The following MOCOS variants were observed in gnomAD, a reference collection of about 807,000 sequenced individuals.
MOCOS encodes the protein molybdenum cofactor sulfurase.
MOCOS carries 86 observed loss-of-function variants against 83.6 expected under a neutral mutation model. The observed-to-expected ratio is 1.03, with a 90% CI of 0.86 to 1.23. The LOEUF (loss-of-function observed/expected upper bound fraction) is 1.23. MOCOS is among the 50% of genes most tolerant of loss of function. The probability of loss-of-function intolerance (pLI) is 0.00; values close to 1 mark genes in which losing one functional copy is unlikely to be tolerated. For synonymous variants in MOCOS, 445 were observed against 434.7 expected (o/e 1.02, Z -0.29); for missense variants, 1,120 against 1,126.9 (o/e 0.99, Z 0.09).
At chr18:36,241,082 A>G (rs1188170930) in intron 9 of MOCOS, among the ~76,000 whole-genome samples, 1 of 152,074 alleles carries the variant, frequency 6.6e-6, no homozygotes, top group Non-Finnish European at 1.5e-5. Flanking sequence ...AAATGCAGAA[A>G]TCACCCGTCT....
At chr18:36,216,855 T>C (rs1343480987) in intron 8 of MOCOS, among the ~76,000 whole-genome samples, 1 of 152,194 alleles carries the variant, frequency 6.6e-6, no homozygotes, top group Non-Finnish European at 1.5e-5. Flanking sequence ...TCACCAACAT[T>C]GGGACAAATG....
At chr18:36,204,908 A>G (rs1441716691) in intron 5 of MOCOS, among the ~76,000 whole-genome samples, 169 bp from the exon 6 acceptor site, 1 of 148,078 alleles carries the variant, frequency 6.8e-6, no homozygotes. Flanking sequence ...TGAGAGGATC[A>G]CCTGAGCCCA....
In MOCOS at chr18:36,195,343, T is replaced by C; in HGVS notation, c.229T>C (p.Tyr77His). The change falls in exon 2 of 15, where the codon TAT becomes CAT. Residue 77 changes from tyrosine (Y) to histidine (H), a missense_variant. Coordinates refer to ENST00000261326, the MANE Select transcript of MOCOS (RefSeq NM_017947.4). ...SFTSDLMENT[Y>H]GNPHSQNISS... The stretch of plus-strand genomic sequence containing the variant: ...CACTAGTGATCTCATGGAAAACACT[T>C]ATGGTAAAGAAAAACACCTGAAACA... 1 of 1,613,488 alleles carries C rather than the reference T, an allele frequency of 6.2e-7. No homozygotes were observed. Among genetic ancestry groups the C allele is most frequent in the South Asian group, 1.1e-5 (1 of 91,068 alleles).
At chr18:36,208,355 A>G (rs1165515402) in intron 6 of MOCOS, among the ~76,000 whole-genome samples, 2 of 152,134 alleles carry the variant, frequency 1.3e-5, no homozygotes, top group African/African-American at 4.8e-5. Context: ...GTAGTTTGAT[A>G]GGAATAACAT....
intron 14 of MOCOS, among the ~76,000 whole-genome samples, chr18:36,267,705 G>A (rs2091686267): frequency 6.6e-6 from 1 of 152,182 alleles, no homozygotes; most frequent in South Asian, 2.1e-4. Flanking sequence ...CCTTGAGCCT[G>A]CACCATGCAG....
Position 36,270,711 on chromosome 18 carries a change from CA to C in MOCOS, c.*2045del, listed in dbSNP as rs528119467. On this transcript the variant is annotated 3_prime_UTR_variant, in exon 15 of 15. Transcript: ENST00000261326. Reference sequence around the variant, plus strand: ...CTGGTGACAGAGCAAGACTCCATCTCAAAAAAAAAAAAAAAAAAATTAGGTC... The same window carrying C: ...CTGGTGACAGAGCAAGACTCCATCTCAAAAAAAAAAAAAAAAAATTAGGTC... 0.061 allele frequency: 7,026 copies of C among 114,748 alleles called. 478 individuals carry two copies. Among genetic ancestry groups the C allele is most frequent in the African/African-American group, 0.19 (6,059 of 32,610 alleles). 7.1% of individuals were successfully genotyped at this position (114,748 alleles called of 1,614,324 possible). A position where few individuals can be genotyped will look rare whatever the true frequency, so the allele number is the denominator to read the frequency against.
rs2091405889 is a variant in MOCOS at position 36,200,021 on chromosome 18, T to G, written c.638T>G (p.Leu213Arg). The G allele has an allele frequency of 6.2e-7, 1 of 1,614,242 alleles. No homozygotes were observed. Among genetic ancestry groups the G allele is most frequent in the East Asian group, 2.2e-5 (1 of 44,890 alleles). The change falls in exon 4 of 15, where the codon CTG becomes CGG. Residue 213 changes from leucine (L) to arginine (R), a missense_variant. Leu to Arg is a moderately radical substitution (Grantham distance 102). Transcript: ENST00000261326. ...QSNFSGVRYP[L>R]SWIEEVKSGR... ...AACTTTTCTGGAGTCAGATACCCCC[T>G]GTCCTGGATAGAAGAGGTCAAGTCT...
At chr18:36,197,789 T>G (rs1394016612) in intron 2 of MOCOS, among the ~76,000 whole-genome samples, 1 of 152,006 alleles carries the variant, frequency 6.6e-6, no homozygotes, top group African/African-American at 2.4e-5. Flanking sequence ...AAAAATCTAT[T>G]TCAGGTGTCC....
chr18:36,208,207 AT>A (rs1309090316), intron 6 of MOCOS, among the ~76,000 whole-genome samples: 2 of 152,150 alleles, frequency 1.3e-5, no homozygotes, highest in Non-Finnish European at 2.9e-5. Flanking sequence ...GCCTTGTAGT[AT>A]AGTTTGATGT....
intron 9 of MOCOS, among the ~76,000 whole-genome samples, chr18:36,243,908 G>A (rs937833120): frequency 6.6e-6 from 1 of 152,032 alleles, no homozygotes; most frequent in African/African-American, 2.4e-5. Flanking sequence ...GTGCATAAAG[G>A]TGTTCATAGT....
In MOCOS at chr18:36,269,257, C is replaced by A. The variant is rs2091691747; in HGVS notation, c.*572C>A. The A allele has an allele frequency of 6.4e-6, 1 of 156,240 alleles. No individual in the cohort carries two copies. The highest frequency in any genetic ancestry group is 1.4e-5 in the Non-Finnish European group (1 of 70,776). 9.7% of individuals were successfully genotyped at this position (156,240 alleles called of 1,614,324 possible). The stretch of plus-strand genomic sequence containing the variant: ...TTATATTCTGAGCAAAGGCACAGGC[C>A]AGCAATTCCTTTCCTGTTGCTTCCC... On this transcript the variant is annotated 3_prime_UTR_variant, in exon 15 of 15. Coordinates refer to ENST00000261326, the MANE Select transcript of MOCOS (RefSeq NM_017947.4).
rs1227501833 is a variant in MOCOS at position 36,199,954 on chromosome 18, G to C, written c.571G>C (p.Asp191His). 2 of 1,614,120 alleles carry C rather than the reference G, an allele frequency of 1.2e-6. No homozygotes were observed. Among genetic ancestry groups the C allele is most frequent in the African/African-American group, 2.7e-5 (2 of 74,950 alleles). Residue 191 changes from aspartate (D) to histidine (H), a missense_variant, in exon 4 of 15, where the codon GAC becomes CAC. By Grantham distance (81) the Asp-to-His change is moderately conservative (BLOSUM62 -1). Transcript: ENST00000261326. ...EERSASASNP[D>H]CQLPHLFCYP... ...ACGTAGTGCTTCAGCCAGCAACCCA[G>C]ACTGCCAGCTGCCGCATCTCTTCTG...
chr18:36,214,469 C>A (rs544965053), intron 7 of MOCOS, among the ~76,000 whole-genome samples: 1 of 152,092 alleles, frequency 6.6e-6, no homozygotes, highest in African/African-American at 2.4e-5. Context: ...CGGTGTGGAA[C>A]TCTTCTAGGG....
intron 8 of MOCOS, 45 bp downstream of exon 8, chr18:36,216,022 T>C (rs746803849): frequency 6.5e-7 from 1 of 1,541,092 alleles, no homozygotes; most frequent in South Asian, 1.1e-5. Flanking sequence ...CTTTGTTTAC[T>C]CTCTCTATTT....
chr18:36,251,192 A>G lies in MOCOS; in HGVS notation c.2073A>G (p.Ser691=). 6.2e-7 allele frequency: 1 copy of G among 1,613,764 alleles called. No homozygotes were observed. ...VSTYDCGEKI[S]SWLSTFFGRP... is the part of the protein sequence containing the mutation. ...CTTATGATTGTGGAGAAAAAATTTC[A>G]AGCTGGTTGTCAACATTTTTTGGCC... Residue 691 remains serine, a synonymous_variant, in exon 11 of 15, where the codon TCA becomes TCG. Transcript: ENST00000261326.
At chr18:36,248,388 G>C (rs773479377) in intron 9 of MOCOS, among the ~76,000 whole-genome samples, 1 of 152,018 alleles carries the variant, frequency 6.6e-6, no homozygotes, top group Non-Finnish European at 1.5e-5. Flanking sequence ...CTCTCATTCT[G>C]TTGGTTGTCT....
rs745784239 is a variant in MOCOS at position 36,220,112 on chromosome 18, G to A, written c.1855G>A (p.Val619Met). ...GLLYDRSWMV[V>M]NHNGVCLSQK... ...GCTATATGACCGGAGCTGGATGGTT[G>A]TGAATCACAATGGTGTTTGCCTGAG... The change falls in exon 9 of 15, where the codon GTG becomes ATG. Residue 619 changes from valine (V) to methionine (M), a missense_variant. Coordinates refer to ENST00000261326, the MANE Select transcript of MOCOS (RefSeq NM_017947.4). The A allele has an allele frequency of 2.5e-6, 4 of 1,613,922 alleles. No homozygotes were observed. The highest frequency in any genetic ancestry group is 1.3e-5 in the African/African-American group (1 of 74,916).
intron 7 of MOCOS, 131 bp downstream of exon 7, chr18:36,213,613 G>A: frequency 2.5e-6 from 2 of 796,268 alleles, no homozygotes; most frequent in Non-Finnish European, 4.3e-6. Flanking sequence ...CATGTACAAA[G>A]GAAAAGGAAT....
chr18:36,204,375 A>G (rs986874100), intron 5 of MOCOS, among the ~76,000 whole-genome samples: 5 of 152,254 alleles, frequency 3.3e-5, no homozygotes, highest in South Asian at 4.2e-4. Context: ...AGATTCATTC[A>G]TGTTGAAGCA....
Sources: gnomAD v4.1 joint callset for allele counts (sites outside exome capture counted in the v4.1 genomes callset) on GRCh38, gnomAD v4.1.1 for gene constraint, MANE v1.5 for transcripts, NCBI Gene and HGNC (gene_info 2026-07-23, HGNC 2026-07-21) for gene names.